GNB4: variants seen among roughly 807,000 people sequenced by gnomAD.
The protein encoded by GNB4 is G protein subunit beta 4.
In GNB4, 28 loss-of-function variants were observed where a neutral mutation model predicts 45.2. The observed-to-expected ratio is 0.62, with a 90% confidence interval of 0.46 to 0.85. The LOEUF (loss-of-function observed/expected upper bound fraction) is 0.85, where lower values mean the gene tolerates loss of function less well. Among genes scored for constraint, GNB4 ranks in the 40% least tolerant of loss-of-function variants. The pLI is 0.00. For synonymous variants in GNB4, 132 were observed against 143.7 expected, an observed-to-expected ratio of 0.92 and a Z score of 0.58; for missense variants, 321 against 425.4, an observed-to-expected ratio of 0.75 and a Z score of 2.16.
chr3:179,418,852 T>C (rs929848223), intron 4 of GNB4, among the ~76,000 whole-genome samples: 22 of 152,244 alleles, frequency 1.4e-4, no homozygotes, highest in Non-Finnish European at 2.8e-4. Context: ...ATGAGCAATC[T>C]ATCTAACTGT....
the GNB4 span, among the ~76,000 whole-genome samples, chr3:179,479,080 C>A: frequency 1.3e-5 from 2 of 152,170 alleles, no homozygotes; most frequent in African/African-American, 4.8e-5. Context: ...TACCCAGTCT[C>A]AGGTATTTCT....
the GNB4 span, among the ~76,000 whole-genome samples, chr3:179,508,405 A>C: frequency 6.6e-6 from 1 of 152,246 alleles, no homozygotes; most frequent in Non-Finnish European, 1.5e-5. Context: ...CTGGGGCAGC[A>C]TGAGGCTCCC....
intron 1 of GNB4, among the ~76,000 whole-genome samples, chr3:179,433,516 G>A (rs1382965697): frequency 2.0e-5 from 3 of 151,852 alleles, no homozygotes; most frequent in South Asian, 4.2e-4. Context: ...TGAGTGGGGG[G>A]ATCGCTTAAG....
intron 8 of GNB4, 46 bp from the exon 9 acceptor site, chr3:179,405,452 A>G (rs371521999): frequency 7.7e-7 from 1 of 1,303,582 alleles, no homozygotes; most frequent in Non-Finnish European, 1.1e-6. Context: ...TGTATGCACA[A>G]TCATAGGAGG....
the GNB4 span, among the ~76,000 whole-genome samples, chr3:179,468,147 A>G: frequency 1.3e-5 from 2 of 149,310 alleles, no homozygotes; most frequent in South Asian, 4.3e-4. Context: ...GCAGGGAGCT[A>G]TAATTGTGCC....
the GNB4 span, among the ~76,000 whole-genome samples, chr3:179,470,770 C>A: frequency 6.6e-6 from 1 of 152,086 alleles, no homozygotes. Context: ...GTCTCGATCA[C>A]CGTGCCCGCA....
rs149057815 is a variant in GNB4, at chr3:179,397,684, C to T, written c.*3529G>A. On this transcript the variant is annotated 3_prime_UTR_variant, in exon 10 of 10. Transcript: ENST00000232564. ...GTCTACATCTCAAACAGCATAGCTG[C>T]CAAAAATGAGGCCTGTCCATTAAAG... is the stretch of plus-strand genomic sequence containing the variant. 1 of 152,614 alleles carries T rather than the reference C, an allele frequency of 6.6e-6. No homozygotes were observed. Among genetic ancestry groups the T allele is most frequent in the African/African-American group, 2.4e-5 (1 of 41,442 alleles). 9.5% of individuals were successfully genotyped at this position (152,614 alleles called of 1,614,324 possible).
chr3:179,479,209 C>G, the GNB4 span, among the ~76,000 whole-genome samples: 3 of 152,144 alleles, frequency 2.0e-5, no homozygotes, highest in African/African-American at 7.2e-5. Flanking sequence ...AAATCAGTAT[C>G]AAGTTGCGTA....
intron 2 of GNB4, among the ~76,000 whole-genome samples, chr3:179,424,073 AG>A (rs1480689111): frequency 6.6e-6 from 1 of 152,202 alleles, no homozygotes; most frequent in Non-Finnish European, 1.5e-5. Context: ...TTAGTAACTA[AG>A]GTTGGGAGAA....
At chr3:179,526,053 AAG>A in the GNB4 span, among the ~76,000 whole-genome samples, 6 of 152,224 alleles carry the variant, frequency 3.9e-5, no homozygotes, top group African/African-American at 1.2e-4. Context: ...TGAGTCCGAA[AAG>A]AGAGTCAGCA....
rs965312803 is a variant in GNB4, at chr3:179,397,956, C to T, written c.*3257G>A. 2 of 151,796 alleles carry T rather than the reference C, an allele frequency of 1.3e-5. No homozygotes were observed. 9.4% of individuals were successfully genotyped at this position (151,796 alleles called of 1,614,324 possible). A position where few individuals can be genotyped will look rare whatever the true frequency, so the allele number is the denominator to read the frequency against. ...ATCTTGGCCAGGCTGGTCTTGAACT[C>T]CTGACCTCGTGATCCACCTGCCTCG... On this transcript the variant is annotated 3_prime_UTR_variant, in exon 10 of 10. Coordinates refer to ENST00000232564, the MANE Select transcript of GNB4 (RefSeq NM_021629.4).
chr3:179,500,040 C>A, the GNB4 span, among the ~76,000 whole-genome samples: 1 of 152,166 alleles, frequency 6.6e-6, no homozygotes. Context: ...GTTTTCTGTT[C>A]ACTCTGTTGA....
chr3:179,503,072 G>T, the GNB4 span, among the ~76,000 whole-genome samples: 1 of 152,188 alleles, frequency 6.6e-6, no homozygotes, highest in Non-Finnish European at 1.5e-5. Context: ...GTCCTCAAGT[G>T]ATCCTCCCAC....
the GNB4 span, among the ~76,000 whole-genome samples, chr3:179,481,425 T>G: frequency 0.027 from 4,120 of 152,280 alleles, 75 homozygotes; most frequent in South Asian, 0.061. Flanking sequence ...TCCTTCTGCC[T>G]CAGCCTCCCA....
chr3:179,489,009 A>ATATATATAT, the GNB4 span, among the ~76,000 whole-genome samples: 16 of 37,364 alleles, frequency 4.3e-4, no homozygotes, highest in African/African-American at 1.8e-3. Flanking sequence ...AAAAAAAAAA[A>ATATATATAT]AAAAAAAAAA....
intron 8 of GNB4, among the ~76,000 whole-genome samples, chr3:179,407,798 A>G (rs1714517065): frequency 6.6e-6 from 1 of 152,248 alleles, no homozygotes; most frequent in Admixed American, 6.5e-5. Flanking sequence ...AGATTACAGG[A>G]AACAAACCCT....
the GNB4 span, among the ~76,000 whole-genome samples, chr3:179,486,678 CA>C: frequency 6.6e-6 from 1 of 152,048 alleles, no homozygotes; most frequent in Non-Finnish European, 1.5e-5. Flanking sequence ...CAGTGAAGCC[CA>C]AAGAGAGAAT....
the GNB4 span, chr3:179,465,272 G>T: frequency 7.4e-6 from 11 of 1,492,516 alleles, no homozygotes; most frequent in African/African-American, 1.4e-5. Context: ...TCCAGTTCCT[G>T]GAGGTGTTGG....
rs1714221766 is a variant in GNB4, at chr3:179,399,510, TAATAG to T, written c.*1698_*1702del. The T allele has an allele frequency of 6.6e-6, 1 of 152,172 alleles. No homozygotes were observed. The highest frequency in any genetic ancestry group is 2.4e-5 in the African/African-American group (1 of 41,460). 9.4% of individuals were successfully genotyped at this position (152,172 alleles called of 1,614,324 possible). ...AAGCCACTCTGCCCAGCCAAAAAGT[TAATAG>T]AAATCTTAATCAAAATATAAATATA... is the stretch of plus-strand genomic sequence containing the variant. On this transcript the variant is annotated 3_prime_UTR_variant, in exon 10 of 10. Transcript: ENST00000232564.
Sources: allele counts gnomAD v4.1 joint callset (sites outside exome capture counted in the v4.1 genomes callset), GRCh38; gene constraint gnomAD v4.1.1; transcripts MANE v1.5; gene names NCBI Gene and HGNC (gene_info 2026-07-23, HGNC 2026-07-21).